SKAP1: variants seen among roughly 807,000 people sequenced by gnomAD.
The protein encoded by SKAP1 is src kinase associated phosphoprotein 1.
Under a neutral mutation model 58.5 loss-of-function variants are expected in SKAP1, and 44 were observed. The ratio of observed to expected loss-of-function variants is 0.75; its 90% CI spans 0.59 to 0.97. SKAP1 has a LOEUF of 0.97. SKAP1 is among the 50% of genes least tolerant of loss of function. The probability of loss-of-function intolerance (pLI) is 0.00; values close to 1 mark genes in which losing one functional copy is unlikely to be tolerated. For missense variants in SKAP1, 390 were observed against 435.2 expected (o/e 0.90, Z 0.92); for synonymous variants, 127 against 149.7 (o/e 0.85, Z 1.11).
At chr17:48,192,126 G>A (rs1310298292) in intron 4 of SKAP1, among the ~76,000 whole-genome samples, 1 of 151,984 alleles carries the variant, frequency 6.6e-6, no homozygotes, top group Non-Finnish European at 1.5e-5. Flanking sequence ...GCTGCAGTGA[G>A]CTGTGATTGA....
At chr17:48,186,613 C>T (rs1369800032) in intron 6 of SKAP1, among the ~76,000 whole-genome samples, 2 of 152,026 alleles carry the variant, frequency 1.3e-5, no homozygotes, top group African/African-American at 2.4e-5. Flanking sequence ...AGCCTACAGG[C>T]ACATGCCACC....
At chr17:48,306,943 A>G (rs2066150002) in intron 4 of SKAP1, among the ~76,000 whole-genome samples, 2 of 152,170 alleles carry the variant, frequency 1.3e-5, no homozygotes, top group Non-Finnish European at 2.9e-5. Context: ...TCTGATAGGG[A>G]TTTTGCAGGT....
intron 11 of SKAP1, among the ~76,000 whole-genome samples, chr17:48,138,584 G>A (rs915117059): frequency 2.6e-5 from 4 of 152,072 alleles, no homozygotes; most frequent in African/African-American, 9.7e-5. Context: ...TGGCCTTGAT[G>A]GTCTTGAACT....
intron 3 of SKAP1, among the ~76,000 whole-genome samples, chr17:48,350,823 A>T (rs1318231411): frequency 2.0e-5 from 3 of 152,240 alleles, no homozygotes; most frequent in African/African-American, 7.2e-5. Context: ...GAAAAATTTT[A>T]AATTATTGTT....
intron 4 of SKAP1, among the ~76,000 whole-genome samples, chr17:48,200,899 C>T (rs1287875469): frequency 6.6e-6 from 1 of 152,182 alleles, no homozygotes; most frequent in Non-Finnish European, 1.5e-5. Context: ...CTCGTACACA[C>T]AGTAGGTACC....
intron 4 of SKAP1, among the ~76,000 whole-genome samples, chr17:48,202,216 T>C (rs1045653911): frequency 6.6e-6 from 1 of 152,128 alleles, no homozygotes; most frequent in African/African-American, 2.4e-5. Flanking sequence ...TGAGAAAACT[T>C]TAAAAGCAAA....
rs1406727139 is a variant in SKAP1 at position 48,133,572 on chromosome 17, T to C, written c.*252A>G. The C allele has an allele frequency of 6.6e-6, 1 of 152,306 alleles. No individual in the cohort carries two copies. Among genetic ancestry groups the C allele is most frequent in the Non-Finnish European group, 1.5e-5 (1 of 68,046 alleles). 9.4% of individuals were successfully genotyped at this position (152,306 alleles called of 1,614,324 possible). The stretch of plus-strand genomic sequence containing the variant: ...AAGCTTGTGGAAAAGGCAGATGTGG[T>C]TGTGTGGACACATTTAGAGATGGGG... On this transcript the variant is annotated 3_prime_UTR_variant, in exon 13 of 13. Coordinates refer to ENST00000336915, the MANE Select transcript of SKAP1 (RefSeq NM_003726.4).
chr17:48,296,280 C>A (rs1472384310), intron 4 of SKAP1, among the ~76,000 whole-genome samples: 1 of 152,030 alleles, frequency 6.6e-6, no homozygotes, highest in Non-Finnish European at 1.5e-5. Context: ...TGGATCCTAC[C>A]TTCGGATGCT....
At position 48,147,318 on chromosome 17, in the gene SKAP1, G is replaced by A. The variant is rs570485020; in HGVS notation, c.979-9981C>T. ...TATTAGTGTTTGTGCATCATACATT[G>A]CTATTAGTTAAGATGGGAAATTTGA... On this transcript the variant is annotated intron_variant, in intron 11 of 12. Coordinates refer to ENST00000336915, the MANE Select transcript of SKAP1 (RefSeq NM_003726.4). Among the ~76,000 whole-genome samples the A allele has an allele frequency of 5.9e-5, 9 of 152,256 alleles. No homozygotes were observed. The South Asian group carries it at 1.9e-3, about 32-fold the overall frequency.
chr17:48,173,858 T>C lies in SKAP1; in HGVS notation c.827-3199A>G, dbSNP rs374406709. 1.1e-4 allele frequency among the ~76,000 whole-genome samples: 16 copies of C among 152,286 alleles called. No individual in the cohort carries two copies. The East Asian group carries it at 1.7e-3, about 16-fold the overall frequency. Reference sequence around the variant, plus strand: ...TCACCAAAGATCTTTTCTAAATAAATCAGACTTTATTGTAAAACTCGGCCA... The same window carrying C: ...TCACCAAAGATCTTTTCTAAATAAACCAGACTTTATTGTAAAACTCGGCCA... On this transcript the variant is annotated intron_variant, in intron 9 of 12. Transcript: ENST00000336915.
intron 2 of SKAP1, chr17:48,377,451 A>C (rs1002597757): frequency 6.6e-6 from 1 of 151,798 alleles, no homozygotes; most frequent in Non-Finnish European, 1.5e-5. Context: ...AGTGGCTTGT[A>C]CCTGTGGTCC....
intron 3 of SKAP1, among the ~76,000 whole-genome samples, chr17:48,349,760 G>A (rs750734746): frequency 3.3e-5 from 5 of 152,204 alleles, no homozygotes; most frequent in Non-Finnish European, 7.3e-5. Flanking sequence ...GCTCCACAGA[G>A]TGATAAGTTG....
chr17:48,423,629 C>T (rs1861044378), intron 1 of SKAP1, among the ~76,000 whole-genome samples: 1 of 152,050 alleles, frequency 6.6e-6, no homozygotes, highest in Non-Finnish European at 1.5e-5. Context: ...TTGAAATAGC[C>T]ACATGTGGCT....
chr17:48,260,114 AC>A (rs2065468381), intron 4 of SKAP1, among the ~76,000 whole-genome samples: 1 of 152,184 alleles, frequency 6.6e-6, no homozygotes, highest in Non-Finnish European at 1.5e-5. Context: ...AGCATGGATG[AC>A]AAAATTAGAA....
In SKAP1 at chr17:48,138,365, C is replaced by T. The variant is rs1011700867; in HGVS notation, c.979-1028G>A. ...GATTACAGGTGCGTGCCATCACACC[C>T]GGCTATTTTTTTTTTTTTTTTTTAG... On this transcript the variant is annotated intron_variant, in intron 11 of 12. Transcript: ENST00000336915. 5.3e-5 allele frequency among the ~76,000 whole-genome samples: 8 copies of T among 150,428 alleles called. No individual in the cohort carries two copies. In the South Asian group the frequency reaches 8.4e-4, roughly 16 times the overall value.
At chr17:48,253,617 G>A (rs549497137) in intron 4 of SKAP1, among the ~76,000 whole-genome samples, 10 of 152,174 alleles carry the variant, frequency 6.6e-5, no homozygotes, top group East Asian at 1.9e-4. Flanking sequence ...CATAGGTGCC[G>A]GACTCATCTC....
intron 4 of SKAP1, among the ~76,000 whole-genome samples, chr17:48,323,511 A>G (rs1348768507): frequency 1.3e-5 from 2 of 152,142 alleles, no homozygotes; most frequent in Admixed American, 1.3e-4. Context: ...ACAAAATCCA[A>G]GGCATTATGA....
Position 48,372,431 on chromosome 17 carries a change from C to T in SKAP1, c.153-8617G>A, listed in dbSNP as rs566633947. Among the ~76,000 whole-genome samples the T allele has an allele frequency of 2.4e-3, 364 of 152,094 alleles. 5 individuals are homozygous for T. The highest frequency in any genetic ancestry group is 2.9e-4 in the Non-Finnish European group (20 of 67,968). On this transcript the variant is annotated intron_variant, in intron 2 of 12. Transcript: ENST00000336915. ...AAGTGATTCTCCTGCCTCAGCCTCC[C>T]GAGTAGCTGGGATTACAGTCATGTG...
chr17:48,164,782 A>C (rs1172781739), intron 10 of SKAP1, among the ~76,000 whole-genome samples: 1 of 152,212 alleles, frequency 6.6e-6, no homozygotes, highest in African/African-American at 2.4e-5. Flanking sequence ...AAACTGGGAA[A>C]AGTTTGAACT....
Sources: allele counts gnomAD v4.1 joint callset (sites outside exome capture counted in the v4.1 genomes callset), GRCh38; gene constraint gnomAD v4.1.1; transcripts MANE v1.5; gene names NCBI Gene and HGNC (gene_info 2026-07-23, HGNC 2026-07-21).